The following PEAR1 variants were observed in gnomAD, a reference collection of about 807,000 sequenced individuals.
The protein encoded by PEAR1 is platelet endothelial aggregation receptor 1.
PEAR1 carries 113 observed loss-of-function variants against 131.2 expected under a neutral mutation model. The ratio of observed to expected loss-of-function variants is 0.86; its 90% CI spans 0.74 to 1.01. The LOEUF (loss-of-function observed/expected upper bound fraction) is 1.01. Among genes scored for constraint, PEAR1 ranks in the 50% least tolerant of loss-of-function variants. The pLI, the probability that PEAR1 is intolerant of heterozygous loss-of-function variation, is 0.00. For missense variants in PEAR1, 1,408 were observed against 1,391.1 expected (o/e 1.01, Z -0.19); for synonymous variants, 565 against 523.3 (o/e 1.08, Z -1.09).
chr1:156,904,609 C>T lies in PEAR1; in HGVS notation c.102-139C>T, dbSNP rs540576820. 206 of 839,024 alleles carry T rather than the reference C, an allele frequency of 2.5e-4. 3 individuals carry two copies. In the South Asian group the frequency reaches 3.5e-3, roughly 14 times the overall value. 52.0% of individuals were successfully genotyped at this position (839,024 alleles called of 1,614,324 possible). The stretch of plus-strand genomic sequence containing the variant: ...TTGAGAGGTGGGACAGGATGGGGGT[C>T]CCATCCTAGGCTACGAGAGCAGCCC... On this transcript the variant is annotated intron_variant, in intron 2 of 22. Transcript: ENST00000292357.
chr1:156,895,254 T>G (rs927245171), intron 1 of PEAR1, among the ~76,000 whole-genome samples: 4 of 152,322 alleles, frequency 2.6e-5, no homozygotes, highest in Middle Eastern at 3.4e-3. Flanking sequence ...AAACTCACGC[T>G]CCAGGCAGCC....
rs200344608 is a variant in PEAR1, at chr1:156,912,309, A to G, written c.2014A>G (p.Thr672Ala). ...GACCTGCCAATGTCACCATGGTGGG[A>G]CCTGCCATCCCCAGGATGGGAGCTG... ...AQTCQCHHGG[T>A]CHPQDGSCIC... The change falls in exon 16 of 23, where the codon ACC (threonine) becomes GCC (alanine). Residue 672 changes from threonine to alanine, a missense_variant. Coordinates refer to ENST00000292357, the MANE Select transcript of PEAR1 (RefSeq NM_001080471.3). The G allele has an allele frequency of 3.2e-5, 52 of 1,613,972 alleles. 2 individuals carry two copies. In the East Asian group the frequency reaches 1.0e-3, roughly 32 times the overall value.
rs762032501 is a variant in PEAR1, at chr1:156,907,882, G to GCCT, written c.766-32_766-30dup. On this transcript the variant is annotated intron_variant, in intron 7 of 22. Coordinates refer to ENST00000292357, the MANE Select transcript of PEAR1 (RefSeq NM_001080471.3). Reference sequence around the variant, plus strand: ...TGTGGCCTTGGGGAGGAGGCTGGGTGCCTGGGGCCCTGTTGACCTCTTATC... The same window carrying GCCT: ...TGTGGCCTTGGGGAGGAGGCTGGGTGCCTCCTGGGGCCCTGTTGACCTCTTATC... The GCCT allele has an allele frequency of 3.8e-6, 6 of 1,595,630 alleles. No individual in the cohort carries two copies. The South Asian group carries it at 6.7e-5, about 18-fold the overall frequency.
rs1207820732 is a variant in PEAR1 at position 156,907,816 on chromosome 1, A to AG, written c.765+92dup. On this transcript the variant is annotated intron_variant, in intron 7 of 22. Coordinates refer to ENST00000292357, the MANE Select transcript of PEAR1 (RefSeq NM_001080471.3). ...GCTAAGCAGGGCTCCAAGGTGAGTG[A>AG]GGGGGGTGAGCTCTGTGGTTATGGG... 33 of 1,506,350 alleles carry AG rather than the reference A, an allele frequency of 2.2e-5. No individual in the cohort carries two copies. In the East Asian group the frequency reaches 6.6e-4, roughly 30 times the overall value. The allele number at this position is 1,506,350 out of a possible 1,614,324, so 93.3% of individuals were successfully genotyped here. A position where few individuals can be genotyped will look rare whatever the true frequency, so the allele number is the denominator to read the frequency against.
chr1:156,896,337 G>T (rs960457494), intron 1 of PEAR1, among the ~76,000 whole-genome samples: 3 of 152,156 alleles, frequency 2.0e-5, no homozygotes, highest in African/African-American at 7.2e-5. Flanking sequence ...TAACCCAGGG[G>T]TTACCTCCCC....
At position 156,912,241 on chromosome 1, in the gene PEAR1, C is replaced by T. The variant is rs543401536; in HGVS notation, c.1952-6C>T. The T allele has an allele frequency of 6.8e-6, 11 of 1,609,814 alleles. No individual in the cohort carries two copies. Among genetic ancestry groups the T allele is most frequent in the Non-Finnish European group, 6.8e-6 (8 of 1,178,156 alleles). The stretch of plus-strand genomic sequence containing the variant: ...CCCCACCAGACAGGCCCCATGTCTC[C>T]CGTAGCATGCCCTCCAGGACACTGG... On this transcript the variant is annotated splice_polypyrimidine_tract_variant and splice_region_variant and intron_variant, in intron 15 of 22. Coordinates refer to ENST00000292357, the MANE Select transcript of PEAR1 (RefSeq NM_001080471.3).
At chr1:156,903,251 A>C (rs1274500805) in intron 1 of PEAR1, among the ~76,000 whole-genome samples, 2 of 151,894 alleles carry the variant, frequency 1.3e-5, no homozygotes, top group Non-Finnish European at 2.9e-5. Flanking sequence ...AGAGCAGGAA[A>C]CCCCTGACAG....
Position 156,914,017 on chromosome 1 carries a change from A to C in PEAR1, c.2879A>C (p.Gln960Pro). 1 of 1,612,444 alleles carries C rather than the reference A, an allele frequency of 6.2e-7. No homozygotes were observed. The highest frequency in any genetic ancestry group is 8.5e-7 in the Non-Finnish European group (1 of 1,179,348). Reference protein sequence around the residue: ...PSGSPPRQPPQFWDSQRRRQP... With the variant: ...PSGSPPRQPPPFWDSQRRRQP... The stretch of plus-strand genomic sequence containing the variant: ...GGATCTCCCCCCAGGCAGCCTCCTC[A>C]GTTCTGGGACAGCCAGAGGCGGCGG... The change falls in exon 22 of 23, where the codon CAG becomes CCG. Residue 960 changes from glutamine to proline, a missense_variant. Transcript: ENST00000292357.
chr1:156,911,141 TTTC>T (rs1423913472), intron 15 of PEAR1, among the ~76,000 whole-genome samples: 4 of 146,056 alleles, frequency 2.7e-5, no homozygotes, highest in African/African-American at 1.0e-4. Context: ...CTTTCTTTCT[TTTC>T]TTTCTTTCTT....
At chr1:156,904,639 G>A (rs1473423645) in intron 2 of PEAR1, 109 bp from the exon 3 acceptor site, 69 of 1,117,706 alleles carry the variant, frequency 6.2e-5, no homozygotes, top group African/African-American at 1.1e-4. Flanking sequence ...CAGCCCCAGC[G>A]TTGGGCTGTG....
At chr1:156,906,440 C>A in intron 5 of PEAR1, 72 bp downstream of exon 5, 1 of 1,577,592 alleles carries the variant, frequency 6.3e-7, no homozygotes, top group Non-Finnish European at 8.7e-7. Context: ...GTACACCCTC[C>A]CTACCAGGGC....
At chr1:156,907,246 A>C (rs1650430377) in intron 6 of PEAR1, among the ~76,000 whole-genome samples, 1 of 152,082 alleles carries the variant, frequency 6.6e-6, no homozygotes. Flanking sequence ...CGGGAGGGAG[A>C]AGGTAGACCT....
In PEAR1 at chr1:156,910,038, C is replaced by T. The variant is rs1178774205; in HGVS notation, c.1608C>T (p.Arg536=). The stretch of plus-strand genomic sequence containing the variant: ...AGTTTGGAGAAGGTTGTGCCAGTCG[C>T]TGTGACTGTGACCACTCTGATGGCT... ...KGQFGEGCAS[R]CDCDHSDGCD... The change falls in exon 13 of 23, where the codon CGC becomes CGT. Residue 536 remains arginine (R), a synonymous_variant. Coordinates refer to ENST00000292357, the MANE Select transcript of PEAR1 (RefSeq NM_001080471.3). 11 of 1,613,910 alleles carry T rather than the reference C, an allele frequency of 6.8e-6. No homozygotes were observed. The highest frequency in any genetic ancestry group is 9.3e-6 in the Non-Finnish European group (11 of 1,180,040).
At chr1:156,906,507 C>T in intron 5 of PEAR1, 130 bp from the exon 6 acceptor site, 1 of 1,537,766 alleles carries the variant, frequency 6.5e-7, no homozygotes, top group Non-Finnish European at 8.8e-7. Flanking sequence ...CTGCCATCTG[C>T]CTTTTCTGGA....
Position 156,908,814 on chromosome 1 carries a change from C to T in PEAR1, c.1275C>T (p.Cys425=), listed in dbSNP as rs764840513. ...AGGCTACCAGCGGCCTCTGTCAGTG[C>T]GCGCCGGGTTACACGGTGAGGCGCG... is the stretch of plus-strand genomic sequence containing the variant. ...VCQATSGLCQ[C]APGYTGPHCA... The change falls in exon 10 of 23, where the codon TGC becomes TGT. Residue 425 remains cysteine (C), a synonymous_variant. Coordinates refer to ENST00000292357, the MANE Select transcript of PEAR1 (RefSeq NM_001080471.3). This position sits in a 1 kb window ranked among gnomAD's most constrained non-coding sequence, Gnocchi z 4.2. 3.1e-6 allele frequency: 5 copies of T among 1,606,162 alleles called. No individual in the cohort carries two copies. The highest frequency in any genetic ancestry group is 1.7e-5 in the Admixed American group (1 of 59,832).
At chr1:156,895,074 C>T (rs1386532014) in intron 1 of PEAR1, among the ~76,000 whole-genome samples, 4 of 152,192 alleles carry the variant, frequency 2.6e-5, no homozygotes, top group Admixed American at 6.5e-5. Flanking sequence ...GAAGGCCCAC[C>T]CACCATGTTC....
intron 15 of PEAR1, among the ~76,000 whole-genome samples, chr1:156,911,037 TTTTCTTTCTTTCTTTCTTTCTTTCTTTC>T (rs71681254): frequency 5.6e-4 from 64 of 113,336 alleles, no homozygotes; most frequent in African/African-American, 2.3e-3. Flanking sequence ...CTTGATTTCT[TTTTCTTTCTTTCTTTCTTTCTTTCTTTC>T]TTTCTTTCTT....
intron 5 of PEAR1, 131 bp downstream of exon 5, chr1:156,906,499 G>T (rs1244049083): frequency 1.3e-6 from 2 of 1,531,932 alleles, no homozygotes; most frequent in African/African-American, 2.7e-5. Context: ...CCCCATTGCT[G>T]CCATCTGCCT....
intron 18 of PEAR1, 55 bp downstream of exon 18, chr1:156,913,037 A>G: frequency 6.2e-7 from 1 of 1,602,366 alleles, no homozygotes; most frequent in Non-Finnish European, 8.5e-7. Flanking sequence ...TAGGCACAAG[A>G]GTGGATGCTG....
Sources: gnomAD v4.1 joint callset for allele counts (sites outside exome capture counted in the v4.1 genomes callset) on GRCh38, gnomAD v4.1.1 for gene constraint, Gnocchi (gnomAD v3.1) non-coding constraint, MANE v1.5 for transcripts, NCBI Gene and HGNC (gene_info 2026-07-23, HGNC 2026-07-21) for gene names.